CDC42BPA: variants seen among roughly 807,000 people sequenced by gnomAD.
CDC42BPA encodes the protein serine/threonine-protein kinase MRCK alpha.
CDC42BPA carries 80 observed loss-of-function variants against 223.5 expected under a neutral mutation model. That is an observed-to-expected ratio of 0.36 (90% CI 0.30 to 0.43). The LOEUF is 0.43. Among genes scored for constraint, CDC42BPA ranks in the 20% least tolerant of loss-of-function variants. The pLI is 1.00. For synonymous variants in CDC42BPA, 694 were observed against 718.6 expected, an observed-to-expected ratio of 0.97 and a Z score of 0.55; for missense variants, 1,743 against 2,099.9, an observed-to-expected ratio of 0.83 and a Z score of 3.32.
chr1:227,081,509 A>G (rs1190779134), intron 16 of CDC42BPA, among the ~76,000 whole-genome samples: 1 of 151,190 alleles, frequency 6.6e-6, no homozygotes, highest in Non-Finnish European at 1.5e-5. Context: ...CTAGAGTACA[A>G]TGGCACATTC....
chr1:227,038,657 C>T (rs1298055575), intron 24 of CDC42BPA, among the ~76,000 whole-genome samples: 1 of 152,126 alleles, frequency 6.6e-6, no homozygotes, highest in African/African-American at 2.4e-5. Context: ...GTGCCAAAAC[C>T]ACTGCACCCA....
chr1:227,035,309 T>C (rs573223496), intron 25 of CDC42BPA, among the ~76,000 whole-genome samples, 162 bp downstream of exon 25: 2 of 152,302 alleles, frequency 1.3e-5, no homozygotes, highest in East Asian at 1.9e-4. Context: ...AAAAGCTAGG[T>C]TTTTGTTTGC....
intron 11 of CDC42BPA, among the ~76,000 whole-genome samples, chr1:227,120,392 A>G (rs1287710091): frequency 6.6e-6 from 1 of 152,194 alleles, no homozygotes; most frequent in Non-Finnish European, 1.5e-5. Context: ...ATTTATCTGA[A>G]GAATAAACTC....
intron 16 of CDC42BPA, among the ~76,000 whole-genome samples, chr1:227,087,217 T>C (rs1330748084): frequency 7.9e-6 from 1 of 126,570 alleles, no homozygotes; most frequent in African/African-American, 2.6e-5. Context: ...TGATCCACTT[T>C]GAGTTAATTT....
chr1:227,196,500 C>T (rs1302082391), intron 4 of CDC42BPA, among the ~76,000 whole-genome samples: 3 of 151,648 alleles, frequency 2.0e-5, no homozygotes, highest in Admixed American at 6.6e-5. Context: ...CCACCACACC[C>T]GGCTAATTTT....
At chr1:227,032,080 TTC>T (rs1186588446) in intron 27 of CDC42BPA, among the ~76,000 whole-genome samples, 3 of 152,214 alleles carry the variant, frequency 2.0e-5, no homozygotes. Context: ...CAGAAATATA[TTC>T]TCTGTTACTT....
intron 1 of CDC42BPA, among the ~76,000 whole-genome samples, chr1:227,267,179 A>G (rs1288012691): frequency 6.6e-6 from 1 of 152,222 alleles, no homozygotes; most frequent in Non-Finnish European, 1.5e-5. Context: ...TGTTTCTATA[A>G]GCTCCTTCAG....
intron 1 of CDC42BPA, among the ~76,000 whole-genome samples, chr1:227,291,491 G>A (rs565384870): frequency 2.0e-5 from 3 of 152,280 alleles, no homozygotes; most frequent in East Asian, 3.9e-4. Context: ...GGAGGTTGTA[G>A]TGAGCCAAAG....
chr1:227,018,575 G>C (rs1666755790), intron 32 of CDC42BPA, among the ~76,000 whole-genome samples: 1 of 152,164 alleles, frequency 6.6e-6, no homozygotes, highest in Non-Finnish European at 1.5e-5. Context: ...TAGTGGGTAT[G>C]AACACATTTA....
chr1:227,253,367 G>A (rs1032891364), intron 2 of CDC42BPA, among the ~76,000 whole-genome samples: 2 of 152,304 alleles, frequency 1.3e-5, no homozygotes, highest in African/African-American at 2.4e-5. Flanking sequence ...AGGACAAGGT[G>A]GGCAGATCAC....
At chr1:227,172,722 T>C (rs1558671741) in intron 5 of CDC42BPA, among the ~76,000 whole-genome samples, 1 of 152,080 alleles carries the variant, frequency 6.6e-6, no homozygotes, top group Non-Finnish European at 1.5e-5. Flanking sequence ...ACCTTTGCAA[T>C]TTCCTGTGAT....
At chr1:227,263,016 T>C (rs1684354812) in intron 1 of CDC42BPA, among the ~76,000 whole-genome samples, 1 of 152,136 alleles carries the variant, frequency 6.6e-6, no homozygotes. Flanking sequence ...GCAGATCACT[T>C]GAGGTCAGTA....
chr1:227,229,166 C>T, intron 2 of CDC42BPA, among the ~76,000 whole-genome samples: 1 of 152,152 alleles, frequency 6.6e-6, no homozygotes, highest in East Asian at 1.9e-4. Context: ...ACATTTATGT[C>T]TATGATCTAT....
intron 35 of CDC42BPA, among the ~76,000 whole-genome samples, chr1:227,001,902 G>A (rs1160025994): frequency 7.2e-6 from 1 of 138,662 alleles, no homozygotes; most frequent in East Asian, 2.6e-4. Flanking sequence ...GTGAGACTCT[G>A]TCTCAAAAAA....
chr1:227,189,706 T>C (rs566628054), intron 5 of CDC42BPA, among the ~76,000 whole-genome samples: 2 of 152,304 alleles, frequency 1.3e-5, no homozygotes, highest in Middle Eastern at 3.4e-3. Context: ...TAAACCTTTG[T>C]GCAAATTTTT....
intron 15 of CDC42BPA, among the ~76,000 whole-genome samples, chr1:227,092,942 C>T (rs1048329472): frequency 5.3e-5 from 8 of 152,152 alleles, no homozygotes; most frequent in African/African-American, 1.9e-4. Flanking sequence ...GACACTCTAC[C>T]ATAATCACGA....
chr1:227,022,349 C>G (rs1667531171), intron 32 of CDC42BPA, among the ~76,000 whole-genome samples: 1 of 152,042 alleles, frequency 6.6e-6, no homozygotes, highest in African/African-American at 2.4e-5. Context: ...GCAAGGATCA[C>G]TTGAACCCAG....
At chr1:227,242,733 G>A (rs762331586) in intron 2 of CDC42BPA, among the ~76,000 whole-genome samples, 21 of 152,204 alleles carry the variant, frequency 1.4e-4, no homozygotes, top group South Asian at 4.1e-4. Context: ...CATAAATTTA[G>A]TGAAACATGA....
chr1:226,996,582 GTA>G (rs1661657415), intron 35 of CDC42BPA, among the ~76,000 whole-genome samples: 2 of 151,972 alleles, frequency 1.3e-5, no homozygotes, highest in South Asian at 4.1e-4. Flanking sequence ...TGCCCATTCG[GTA>G]TGATATTGGC....
Sources: gnomAD v4.1 joint callset for allele counts (sites outside exome capture counted in the v4.1 genomes callset) on GRCh38, gnomAD v4.1.1 for gene constraint, MANE v1.5 for transcripts, NCBI Gene and HGNC (gene_info 2026-07-23, HGNC 2026-07-21) for gene names.